The following NKAIN2 variants were observed in gnomAD, a reference collection of about 807,000 sequenced individuals.
NKAIN2 encodes sodium/potassium-transporting ATPase subunit beta-1-interacting protein 2.
A neutral mutation model predicts 32.6 loss-of-function variants in NKAIN2; 14 were observed. The observed-to-expected ratio is 0.43, with a 90% CI of 0.28 to 0.67. The LOEUF is 0.67. Among genes scored for constraint, NKAIN2 ranks in the 30% least tolerant of loss-of-function variants. NKAIN2 has a pLI of 0.17. For synonymous variants in NKAIN2, 80 were observed against 87.2 expected (o/e 0.92, Z 0.46); for missense variants, 198 against 258.3 (o/e 0.77, Z 1.60).
At chr6:124,366,949 TAAG>T (rs1799544071) in intron 3 of NKAIN2, among the ~76,000 whole-genome samples, 1 of 148,812 alleles carries the variant, frequency 6.7e-6, no homozygotes, top group Non-Finnish European at 1.5e-5. Context: ...AAAAAAGTAA[TAAG>T]AATTTTAAAA....
intron 1 of NKAIN2, among the ~76,000 whole-genome samples, chr6:124,204,767 A>G (rs1345832134): frequency 6.6e-6 from 1 of 151,778 alleles, no homozygotes. Flanking sequence ...TGAACTGAAA[A>G]TCATGAAATT....
chr6:124,356,883 C>T (rs1799010378), intron 3 of NKAIN2, among the ~76,000 whole-genome samples: 1 of 152,088 alleles, frequency 6.6e-6, no homozygotes, highest in Non-Finnish European at 1.5e-5. Flanking sequence ...GGCAGGTGTT[C>T]AGACATATGG....
At chr6:124,478,588 A>G (rs566091500) in intron 3 of NKAIN2, among the ~76,000 whole-genome samples, 1 of 152,352 alleles carries the variant, frequency 6.6e-6, no homozygotes, top group East Asian at 1.9e-4. Flanking sequence ...TAAATAACCA[A>G]AGCTAAAACA....
chr6:124,056,501 T>C (rs1210727504), intron 1 of NKAIN2, among the ~76,000 whole-genome samples: 1 of 151,926 alleles, frequency 6.6e-6, no homozygotes, highest in Non-Finnish European at 1.5e-5. Context: ...CCTACCTCCT[T>C]CAACTCAGAA....
At position 124,315,282 on chromosome 6, in the gene NKAIN2, G is replaced by T. The variant is rs534127297; in HGVS notation, c.192+32140G>T. Among the ~76,000 whole-genome samples the T allele has an allele frequency of 1.5e-4, 23 of 152,082 alleles. No individual in the cohort carries two copies. In the South Asian group the frequency reaches 4.4e-3, roughly 29 times the overall value. ...ACCCTCCCAGACACATGGCCACAAAGTGACAAGAATCCAGAGATAAAGGTA... is the reference window on the plus strand; with the variant it reads ...ACCCTCCCAGACACATGGCCACAAATTGACAAGAATCCAGAGATAAAGGTA... On this transcript the variant is annotated intron_variant, in intron 2 of 6. Transcript: ENST00000368417.
intron 2 of NKAIN2, among the ~76,000 whole-genome samples, chr6:124,351,021 A>T (rs58121319): frequency 0.028 from 4,309 of 152,268 alleles, 179 homozygotes; most frequent in East Asian, 0.11. Flanking sequence ...AAATATTTTT[A>T]AAAAAGTAAC....
chr6:124,678,385 T>G (rs1033445039), intron 4 of NKAIN2, among the ~76,000 whole-genome samples: 1 of 152,122 alleles, frequency 6.6e-6, no homozygotes. Flanking sequence ...TTCCTTAAGC[T>G]TTCTTCAACT....
intron 3 of NKAIN2, among the ~76,000 whole-genome samples, chr6:124,453,515 A>C (rs1215624762): frequency 1.3e-5 from 2 of 152,138 alleles, no homozygotes; most frequent in Non-Finnish European, 2.9e-5. Flanking sequence ...AGGATGAAAA[A>C]AAAGTGAGGA....
intron 3 of NKAIN2, among the ~76,000 whole-genome samples, chr6:124,574,614 G>T (rs1256524160): frequency 6.6e-6 from 1 of 152,016 alleles, no homozygotes; most frequent in African/African-American, 2.4e-5. Flanking sequence ...GCAAGACTCT[G>T]TCTCAAAATA....
intron 4 of NKAIN2, among the ~76,000 whole-genome samples, chr6:124,783,394 TC>T (rs1779359296): frequency 6.6e-6 from 1 of 152,206 alleles, no homozygotes; most frequent in South Asian, 2.1e-4. Context: ...TTTTATTTAA[TC>T]TTTTAAAAAG....
chr6:124,424,810 A>C (rs1262482112), intron 3 of NKAIN2, among the ~76,000 whole-genome samples: 3 of 152,174 alleles, frequency 2.0e-5, no homozygotes, highest in Non-Finnish European at 4.4e-5. Flanking sequence ...ATGTTCATCT[A>C]TGATGCACAC....
rs577554468 is a variant in NKAIN2, at chr6:124,167,399, C to G, written c.55-115606C>G. On this transcript the variant is annotated intron_variant, in intron 1 of 6. Transcript: ENST00000368417. Reference sequence around the variant, plus strand: ...CTGAGACATTGCTGAAGTTGCTTATCAGCTTAAGGAGATTTTGGGCTGAGA... The same window carrying G: ...CTGAGACATTGCTGAAGTTGCTTATGAGCTTAAGGAGATTTTGGGCTGAGA... 3.6e-3 allele frequency among the ~76,000 whole-genome samples: 542 copies of G among 152,208 alleles called. 3 individuals carry two copies. The highest frequency in any genetic ancestry group is 0.012 in the African/African-American group (518 of 41,518).
At chr6:123,939,973 G>T (rs1452611454) in intron 1 of NKAIN2, among the ~76,000 whole-genome samples, 1 of 151,956 alleles carries the variant, frequency 6.6e-6, no homozygotes, top group Admixed American at 6.6e-5. Context: ...GAAACCCAGT[G>T]ATAGGCAGTT....
At chr6:124,601,572 T>C (rs1025536213) in intron 3 of NKAIN2, among the ~76,000 whole-genome samples, 1 of 151,950 alleles carries the variant, frequency 6.6e-6, no homozygotes, top group South Asian at 2.1e-4. Flanking sequence ...GAGGAGGCCA[T>C]TGTGATATGG....
At chr6:124,102,884 C>T (rs142565711) in intron 1 of NKAIN2, among the ~76,000 whole-genome samples, 1 of 152,160 alleles carries the variant, frequency 6.6e-6, no homozygotes, top group East Asian at 1.9e-4. Context: ...TTCTAGGAGG[C>T]CTAACAGTGT....
At chr6:123,895,372 G>C (rs565404094) in intron 1 of NKAIN2, among the ~76,000 whole-genome samples, 1 of 152,036 alleles carries the variant, frequency 6.6e-6, no homozygotes, top group African/African-American at 2.4e-5. Context: ...TCCAAATTTT[G>C]TATTACACAT....
chr6:124,771,130 A>G (rs1229183539), intron 4 of NKAIN2, among the ~76,000 whole-genome samples: 1 of 152,204 alleles, frequency 6.6e-6, no homozygotes, highest in Non-Finnish European at 1.5e-5. Flanking sequence ...AACGAGAGCT[A>G]ACATAAATAG....
intron 1 of NKAIN2, among the ~76,000 whole-genome samples, chr6:124,197,477 A>T (rs1351062221): frequency 1.3e-5 from 2 of 152,122 alleles, no homozygotes; most frequent in East Asian, 1.9e-4. Flanking sequence ...TTATCGTTTT[A>T]TAGATTATTT....
At chr6:124,555,378 T>C (rs1284683428) in intron 3 of NKAIN2, among the ~76,000 whole-genome samples, 2 of 152,160 alleles carry the variant, frequency 1.3e-5, no homozygotes, top group African/African-American at 4.8e-5. Flanking sequence ...GAAGTTGACT[T>C]TATCCCCCGT....
Sources: allele counts gnomAD v4.1 joint callset (sites outside exome capture counted in the v4.1 genomes callset), GRCh38; gene constraint gnomAD v4.1.1; transcripts MANE v1.5; gene names NCBI Gene and HGNC (gene_info 2026-07-23, HGNC 2026-07-21).